Variants in TBC1D19 observed in about 807,000 individuals in gnomAD.
TBC1D19 encodes the protein TBC1 domain family member 19, also known as TBC1 domain family, member 19.
Under a neutral mutation model 89.0 loss-of-function variants are expected in TBC1D19, and 60 were observed. That is an observed-to-expected ratio of 0.67 (90% confidence interval 0.55 to 0.84). The LOEUF is 0.84. Among genes scored for constraint, TBC1D19 ranks in the 40% least tolerant of loss-of-function variants. The pLI, the probability that TBC1D19 is intolerant of heterozygous loss-of-function variation, is 0.00. For missense variants in TBC1D19, 500 were observed against 610.8 expected (o/e 0.82, Z 1.91); for synonymous variants, 189 against 199.7 (o/e 0.95, Z 0.45).
chr4:26,730,443 T>C (rs377664423), intron 15 of TBC1D19, among the ~76,000 whole-genome samples: 14 of 152,346 alleles, frequency 9.2e-5, no homozygotes, highest in African/African-American at 2.9e-4. Context: ...ACCTCATTGG[T>C]ATTGTTCCCA....
intron 1 of TBC1D19, among the ~76,000 whole-genome samples, chr4:26,591,321 C>T (rs939013477): frequency 3.3e-5 from 5 of 151,822 alleles, no homozygotes; most frequent in African/African-American, 7.3e-5. Flanking sequence ...TGGTTGCATA[C>T]AAATTTTAGC....
chr4:26,849,006 C>G, the TBC1D19 span, among the ~76,000 whole-genome samples: 3 of 151,936 alleles, frequency 2.0e-5, no homozygotes, highest in Non-Finnish European at 4.4e-5. Context: ...CCTGTCTCCA[C>G]AAAAAATAAA....
chr4:26,807,991 TAA>T, the TBC1D19 span, among the ~76,000 whole-genome samples: 5 of 152,198 alleles, frequency 3.3e-5, no homozygotes, highest in Non-Finnish European at 7.3e-5. Flanking sequence ...GAAAAAGTGA[TAA>T]GTCACAAGCC....
At chr4:26,846,197 G>A in the TBC1D19 span, among the ~76,000 whole-genome samples, 1 of 151,968 alleles carries the variant, frequency 6.6e-6, no homozygotes, top group Non-Finnish European at 1.5e-5. Flanking sequence ...TCTACCTTTT[G>A]GCTATTGTGA....
chr4:26,671,762 A>G (rs183293765), intron 9 of TBC1D19, among the ~76,000 whole-genome samples: 172 of 151,982 alleles, frequency 1.1e-3, no homozygotes, highest in African/African-American at 4.0e-3. Context: ...GGAAAAAATT[A>G]AAGATGAATG....
chr4:26,586,170 G>GTTTT (rs1560396710), intron 1 of TBC1D19, among the ~76,000 whole-genome samples: 1 of 135,150 alleles, frequency 7.4e-6, no homozygotes, highest in Non-Finnish European at 1.5e-5. Context: ...TGCAAGGTAA[G>GTTTT]CTTTTTTTTT....
In TBC1D19 at chr4:26,613,710, A is replaced by G. The variant is rs541994822; in HGVS notation, c.172+469A>G. ...TTAAATACTGTTTACCTTACTGGTA[A>G]TATTCTGATGGATAAATACATCCAT... On this transcript the variant is annotated intron_variant, in intron 2 of 20. Transcript: ENST00000264866. 8.5e-5 allele frequency among the ~76,000 whole-genome samples: 13 copies of G among 152,288 alleles called. No individual in the cohort carries two copies. The South Asian group carries it at 2.3e-3, about 27-fold the overall frequency.
intron 10 of TBC1D19, among the ~76,000 whole-genome samples, chr4:26,673,024 T>C (rs893826607): frequency 3.9e-5 from 6 of 151,952 alleles, no homozygotes; most frequent in African/African-American, 9.7e-5. Flanking sequence ...TGTCTTTTTT[T>C]GGTTTTGCTT....
At chr4:26,584,418 C>T (rs1038313464) in intron 1 of TBC1D19, 126 bp downstream of exon 1, 225 of 857,306 alleles carry the variant, frequency 2.6e-4, no homozygotes, top group Non-Finnish European at 2.7e-4. Context: ...GCTCAAAAAA[C>T]AAACAGACAA....
chr4:26,646,480 G>A (rs1743965701), intron 7 of TBC1D19, among the ~76,000 whole-genome samples: 1 of 152,158 alleles, frequency 6.6e-6, no homozygotes, highest in Non-Finnish European at 1.5e-5. Context: ...CCAAAGAATT[G>A]TAAATCATGC....
the TBC1D19 span, among the ~76,000 whole-genome samples, chr4:26,804,348 AT>A: frequency 6.6e-6 from 1 of 152,022 alleles, no homozygotes; most frequent in Admixed American, 6.6e-5. Context: ...GTTTCACCAC[AT>A]TGGCCAGGTT....
At chr4:26,834,090 C>A in the TBC1D19 span, among the ~76,000 whole-genome samples, 1 of 152,266 alleles carries the variant, frequency 6.6e-6, no homozygotes, top group African/African-American at 2.4e-5. Flanking sequence ...GCCCCTCTCC[C>A]CCTTCCTTCT....
At chr4:26,686,542 A>G (rs567035202) in intron 12 of TBC1D19, among the ~76,000 whole-genome samples, 12 of 152,304 alleles carry the variant, frequency 7.9e-5, no homozygotes, top group African/African-American at 2.6e-4. Context: ...CTGGAGAGAA[A>G]GATTAATTAA....
At chr4:26,603,773 T>C (rs1452777111) in intron 1 of TBC1D19, among the ~76,000 whole-genome samples, 3 of 152,248 alleles carry the variant, frequency 2.0e-5, no homozygotes, top group Non-Finnish European at 4.4e-5. Context: ...TTTACTGTTA[T>C]ATTAAAATAA....
chr4:26,857,296 T>C, the TBC1D19 span, among the ~76,000 whole-genome samples: 1 of 152,186 alleles, frequency 6.6e-6, no homozygotes. Flanking sequence ...GAAAACTCGA[T>C]ACCTAACAGC....
At chr4:26,821,233 A>G in the TBC1D19 span, among the ~76,000 whole-genome samples, 3 of 152,190 alleles carry the variant, frequency 2.0e-5, no homozygotes, top group African/African-American at 7.2e-5. Flanking sequence ...TCCCCATGAA[A>G]CAGAATTTTG....
intron 7 of TBC1D19, among the ~76,000 whole-genome samples, chr4:26,657,745 CT>C (rs550014394): frequency 6.6e-6 from 1 of 152,224 alleles, no homozygotes; most frequent in South Asian, 2.1e-4. Context: ...TCTCCAGCAT[CT>C]GTTGTTTCCT....
chr4:26,740,032 C>T, intron 17 of TBC1D19, 59 bp downstream of exon 17: 2 of 1,159,196 alleles, frequency 1.7e-6, no homozygotes, highest in Non-Finnish European at 2.4e-6. Context: ...TTCTTTCTTT[C>T]TGTTAAGAAA....
At chr4:26,672,645 T>A (rs1712422613) in intron 10 of TBC1D19, among the ~76,000 whole-genome samples, 1 of 152,008 alleles carries the variant, frequency 6.6e-6, no homozygotes, top group Non-Finnish European at 1.5e-5. Context: ...CTTTTAGTAT[T>A]CTGGGGAATA....
Sources: gnomAD v4.1 joint callset for allele counts (sites outside exome capture counted in the v4.1 genomes callset) on GRCh38, gnomAD v4.1.1 for gene constraint, MANE v1.5 for transcripts, NCBI Gene and HGNC (gene_info 2026-07-23, HGNC 2026-07-21) for gene names.